The following SNTG1 variants were observed in gnomAD, a reference collection of about 807,000 sequenced individuals.
SNTG1 encodes the protein gamma-1-syntrophin.
In SNTG1, 39 loss-of-function variants were observed where a neutral mutation model predicts 74.7. That is an observed-to-expected ratio of 0.52 (90% CI 0.40 to 0.68). The LOEUF is 0.68. Among genes scored for constraint, SNTG1 ranks in the 30% least tolerant of loss-of-function variants. The pLI is 0.00. For synonymous variants in SNTG1, 254 were observed against 217.1 expected (o/e 1.17, Z -1.49); for missense variants, 685 against 609.5 (o/e 1.12, Z -1.30).
At chr8:50,729,761 G>A (rs1457628724) in intron 17 of SNTG1, among the ~76,000 whole-genome samples, 1 of 152,164 alleles carries the variant, frequency 6.6e-6, no homozygotes, top group Non-Finnish European at 1.5e-5. Context: ...TGACCCACAG[G>A]TAATTGTACC....
At chr8:50,420,253 G>T (rs2093065747) in intron 4 of SNTG1, among the ~76,000 whole-genome samples, 1 of 151,976 alleles carries the variant, frequency 6.6e-6, no homozygotes, top group South Asian at 2.1e-4. Flanking sequence ...GAGGACTAAA[G>T]ACAAAGAAGA....
At chr8:50,480,459 A>C (rs1246324411) in intron 8 of SNTG1, among the ~76,000 whole-genome samples, 2 of 152,294 alleles carry the variant, frequency 1.3e-5, no homozygotes, top group East Asian at 3.9e-4. Flanking sequence ...GGTTTATTTA[A>C]ATTTATTTTC....
chr8:50,136,105 T>C (rs1195843095), intron 1 of SNTG1, among the ~76,000 whole-genome samples: 4 of 152,316 alleles, frequency 2.6e-5, no homozygotes, highest in Middle Eastern at 3.4e-3. Context: ...TATGGCTGCA[T>C]TGTATTTCAT....
At chr8:50,411,830 G>A (rs1235463253) in intron 4 of SNTG1, among the ~76,000 whole-genome samples, 4 of 152,080 alleles carry the variant, frequency 2.6e-5, no homozygotes, top group Admixed American at 6.6e-5. Context: ...CATTGTCACC[G>A]GATCCCCTGG....
chr8:50,064,212 A>G (rs959883403), intron 1 of SNTG1, among the ~76,000 whole-genome samples: 1 of 152,226 alleles, frequency 6.6e-6, no homozygotes, highest in Non-Finnish European at 1.5e-5. Flanking sequence ...TAAGATGACT[A>G]AAACAGAAGC....
rs1474222561 is a variant in SNTG1, at chr8:50,445,707, A to G, written c.220-3961A>G. On this transcript the variant is annotated intron_variant, in intron 5 of 18. Coordinates refer to ENST00000642720, the MANE Select transcript of SNTG1 (RefSeq NM_018967.5). ...ATCTTGTATTTCTCCATAAACTACA[A>G]TAACAATGCTCAGTTAATTCAAGCA... is the stretch of plus-strand genomic sequence containing the variant. 3.9e-5 allele frequency among the ~76,000 whole-genome samples: 6 copies of G among 152,174 alleles called. No homozygotes were observed. In the East Asian group the frequency reaches 1.2e-3, roughly 29 times the overall value.
intron 2 of SNTG1, among the ~76,000 whole-genome samples, chr8:50,377,303 C>T (rs1295524913): frequency 6.6e-6 from 1 of 151,948 alleles, no homozygotes; most frequent in Non-Finnish European, 1.5e-5. Context: ...TTTATATATC[C>T]TTTGTTGGCT....
chr8:50,158,695 A>T (rs2082324270), intron 1 of SNTG1, among the ~76,000 whole-genome samples: 1 of 152,052 alleles, frequency 6.6e-6, no homozygotes, highest in Non-Finnish European at 1.5e-5. Flanking sequence ...ATACTGCATA[A>T]TTTGTTTCTC....
intron 12 of SNTG1, among the ~76,000 whole-genome samples, chr8:50,574,602 T>C (rs748189392): frequency 3.3e-5 from 5 of 152,170 alleles, no homozygotes; most frequent in Non-Finnish European, 4.4e-5. Flanking sequence ...TTTATGGTAT[T>C]ATCTTTTGTT....
intron 17 of SNTG1, among the ~76,000 whole-genome samples, chr8:50,734,615 TTCTC>T (rs1476259549): frequency 6.7e-6 from 1 of 149,408 alleles, no homozygotes. Context: ...TGGTGGCACT[TTCTC>T]TCTCTCTTTC....
intron 1 of SNTG1, among the ~76,000 whole-genome samples, chr8:49,994,778 G>A (rs1273038655): frequency 6.6e-6 from 1 of 151,956 alleles, no homozygotes; most frequent in Non-Finnish European, 1.5e-5. Context: ...TGGAGGAAAA[G>A]TCAGGAACTT....
chr8:50,371,122 A>G (rs1254194689), intron 2 of SNTG1, among the ~76,000 whole-genome samples: 2 of 152,168 alleles, frequency 1.3e-5, no homozygotes, highest in African/African-American at 2.4e-5. Context: ...AAGCCCAGCC[A>G]TTCACTCAAG....
chr8:50,036,680 T>C (rs1020665737), intron 1 of SNTG1, among the ~76,000 whole-genome samples: 9 of 152,202 alleles, frequency 5.9e-5, no homozygotes, highest in Admixed American at 1.3e-4. Flanking sequence ...ATGGGTGGCA[T>C]AGCTGAAGAT....
chr8:49,987,876 C>T (rs1181411596), intron 1 of SNTG1, among the ~76,000 whole-genome samples: 4 of 152,024 alleles, frequency 2.6e-5, no homozygotes, highest in African/African-American at 9.7e-5. Context: ...TCAAAATCTC[C>T]TGACCTCGCG....
intron 1 of SNTG1, among the ~76,000 whole-genome samples, chr8:49,951,873 C>CAAAAAAAAAAAAAAAAAAAAAAAA (rs5891338): frequency 3.0e-4 from 17 of 56,300 alleles, no homozygotes; most frequent in East Asian, 6.5e-4. Flanking sequence ...GGAAAATTCA[C>CAAAAAAAAAAAAAAAAAAAAAAAA]AAAAAAAAAA....
chr8:50,769,114 G>T (rs750252667), intron 18 of SNTG1, among the ~76,000 whole-genome samples: 70 of 150,984 alleles, frequency 4.6e-4, no homozygotes, highest in Non-Finnish European at 9.3e-4. Flanking sequence ...TTCTCCATCA[G>T]AATAGTGAAT....
At chr8:50,224,434 A>G (rs1414629418) in intron 2 of SNTG1, among the ~76,000 whole-genome samples, 1 of 152,176 alleles carries the variant, frequency 6.6e-6, no homozygotes, top group Non-Finnish European at 1.5e-5. Context: ...TGCAGGATCC[A>G]GAACTCAGTT....
At chr8:50,601,969 A>G (rs1262080153) in intron 13 of SNTG1, among the ~76,000 whole-genome samples, 1 of 152,084 alleles carries the variant, frequency 6.6e-6, no homozygotes, top group Non-Finnish European at 1.5e-5. Context: ...AGCATGGAAT[A>G]TCTTTCATTA....
At chr8:50,140,584 ATAGTATGTGG>A (rs2081622822) in intron 1 of SNTG1, among the ~76,000 whole-genome samples, 1 of 152,080 alleles carries the variant, frequency 6.6e-6, no homozygotes. Context: ...GTGAATGTTT[ATAGTATGTGG>A]ATGTAAGTCT....
Sources: allele counts gnomAD v4.1 joint callset (sites outside exome capture counted in the v4.1 genomes callset), GRCh38; gene constraint gnomAD v4.1.1; transcripts MANE v1.5; gene names NCBI Gene and HGNC (gene_info 2026-07-23, HGNC 2026-07-21).